The following CHODL variants were observed in gnomAD, a reference collection of about 807,000 sequenced individuals.
CHODL encodes the protein transmembrane protein MT75.
Under a neutral mutation model 34.5 loss-of-function variants are expected in CHODL, and 29 were observed. The ratio of observed to expected loss-of-function variants is 0.84; its 90% CI spans 0.63 to 1.15. CHODL has a LOEUF of 1.15. Ranked by LOEUF, CHODL falls within the 50% of genes most tolerant of loss-of-function variation. The pLI, the probability that CHODL is intolerant of heterozygous loss-of-function variation, is 0.00. For missense variants in CHODL, 332 were observed against 332.5 expected (o/e 1.00, Z 0.01); for synonymous variants, 125 against 116.1 (o/e 1.08, Z -0.49).
At chr21:18,150,794 T>A (rs1428703982) in intron 2 of CHODL, among the ~76,000 whole-genome samples, 7 of 152,070 alleles carry the variant, frequency 4.6e-5, no homozygotes, top group African/African-American at 1.7e-4. Context: ...CATAAAGAAA[T>A]TCTCTGACCT....
intron 1 of CHODL, among the ~76,000 whole-genome samples, chr21:18,250,959 ATAT>A (rs2074229043): frequency 1.3e-5 from 2 of 151,738 alleles, no homozygotes; most frequent in East Asian, 1.9e-4. Context: ...TATTCATCTA[ATAT>A]TAATAATATA....
intron 1 of CHODL, among the ~76,000 whole-genome samples, chr21:17,993,600 C>G (rs1285927196): frequency 6.6e-6 from 1 of 152,168 alleles, no homozygotes; most frequent in African/African-American, 2.4e-5. Context: ...ACCACATTTT[C>G]TTTATCCAGT....
chr21:18,195,799 C>T (rs1287495434), intron 2 of CHODL, among the ~76,000 whole-genome samples: 1 of 152,110 alleles, frequency 6.6e-6, no homozygotes, highest in Admixed American at 6.6e-5. Flanking sequence ...ACCACTGTAT[C>T]CCCAGCCAGT....
At chr21:17,945,453 T>C (rs1445156349) in intron 1 of CHODL, among the ~76,000 whole-genome samples, 1 of 151,982 alleles carries the variant, frequency 6.6e-6, no homozygotes, top group Non-Finnish European at 1.5e-5. Context: ...AAGAATACAA[T>C]GATTAAACAG....
chr21:17,924,879 C>G (rs912952784), intron 1 of CHODL, among the ~76,000 whole-genome samples: 1 of 152,178 alleles, frequency 6.6e-6, no homozygotes, highest in African/African-American at 2.4e-5. Context: ...TTGTCCTTAT[C>G]TGGCTCTGTT....
chr21:17,942,796 C>T (rs1005427501), intron 1 of CHODL, among the ~76,000 whole-genome samples: 2 of 152,016 alleles, frequency 1.3e-5, no homozygotes, highest in Non-Finnish European at 1.5e-5. Context: ...ATGTCCCCAC[C>T]CAAATCTCAT....
At chr21:17,939,829 A>C (rs1432181217) in intron 1 of CHODL, among the ~76,000 whole-genome samples, 1 of 152,188 alleles carries the variant, frequency 6.6e-6, no homozygotes, top group Non-Finnish European at 1.5e-5. Flanking sequence ...TTTTCTTCTG[A>C]AGTAGAATTC....
intron 1 of CHODL, among the ~76,000 whole-genome samples, chr21:18,253,015 T>C (rs1040295590): frequency 2.0e-5 from 3 of 152,212 alleles, no homozygotes; most frequent in African/African-American, 4.8e-5. Context: ...TAGGTTTTTT[T>C]CTTTCATTAT....
intron 4 of CHODL, among the ~76,000 whole-genome samples, chr21:18,261,360 T>TAAAAAAAA (rs60033114): frequency 2.9e-5 from 4 of 137,808 alleles, no homozygotes; most frequent in African/African-American, 7.8e-5. Context: ...TAAAGTATGA[T>TAAAAAAAA]AAAAAAAAAA....
intron 2 of CHODL, among the ~76,000 whole-genome samples, chr21:18,165,110 C>G (rs1184197175): frequency 1.3e-5 from 2 of 152,088 alleles, no homozygotes; most frequent in African/African-American, 4.8e-5. Flanking sequence ...TCTCTGACCT[C>G]TATTCACTAG....
chr21:17,946,348 G>GA (rs1568811098), intron 1 of CHODL, among the ~76,000 whole-genome samples: 1 of 152,114 alleles, frequency 6.6e-6, no homozygotes, highest in Non-Finnish European at 1.5e-5. Flanking sequence ...GAACCCCCGG[G>GA]GGCGGAGCCT....
intron 2 of CHODL, among the ~76,000 whole-genome samples, chr21:18,107,810 A>AT (rs1192701379): frequency 6.6e-6 from 1 of 152,178 alleles, no homozygotes; most frequent in Admixed American, 6.5e-5. Flanking sequence ...TAAAGGAAGA[A>AT]TTTTTTTAAA....
At chr21:18,156,598 A>C (rs1445468619) in intron 2 of CHODL, among the ~76,000 whole-genome samples, 1 of 152,210 alleles carries the variant, frequency 6.6e-6, no homozygotes, top group Non-Finnish European at 1.5e-5. Context: ...ATGAAGCTCA[A>C]TATTGCTTAT....
intron 2 of CHODL, among the ~76,000 whole-genome samples, chr21:18,156,520 A>G (rs1428294449): frequency 6.6e-6 from 1 of 152,252 alleles, no homozygotes; most frequent in East Asian, 1.9e-4. Context: ...GATCGTTCAT[A>G]TAACTGTCAA....
chr21:18,050,992 A>G (rs958324645), intron 2 of CHODL, among the ~76,000 whole-genome samples: 1 of 151,314 alleles, frequency 6.6e-6, no homozygotes, highest in East Asian at 2.0e-4. Flanking sequence ...GGTTTGTTAC[A>G]TAGGTATACA....
intron 2 of CHODL, among the ~76,000 whole-genome samples, chr21:18,183,107 A>G (rs1601116532): frequency 6.6e-6 from 1 of 152,366 alleles, no homozygotes; most frequent in South Asian, 2.1e-4. Context: ...ACACTTTAAA[A>G]ATGTATTTAG....
In CHODL at chr21:18,001,773, C is replaced by CTTT. The variant is rs59908803; in HGVS notation, c.-144-26078_-144-26076dup. Among the ~76,000 whole-genome samples the CTTT allele has an allele frequency of 1.9e-4, 24 of 124,176 alleles. No homozygotes were observed. In the East Asian group the frequency reaches 5.0e-3, roughly 26 times the overall value. The allele number at this position is 124,176 out of a possible 152,430, so 81.5% of individuals were successfully genotyped here. A position where few individuals can be genotyped will look rare whatever the true frequency, so the allele number is the denominator to read the frequency against. On this transcript the variant is annotated intron_variant, in intron 1 of 6. Coordinates refer to the CHODL transcript ENST00000400127. ...TCATGCCATACGTTGGCCTCATCCT[C>CTTT]TTTTTTTTTTTTTTTTTTTTTTTAA...
intron 2 of CHODL, among the ~76,000 whole-genome samples, chr21:18,138,891 A>G (rs1201343240): frequency 6.6e-6 from 1 of 152,152 alleles, no homozygotes; most frequent in Non-Finnish European, 1.5e-5. Context: ...ATAGGAGCTG[A>G]TGTTTCATTT....
intron 2 of CHODL, among the ~76,000 whole-genome samples, chr21:18,216,474 C>T (rs2073829385): frequency 1.3e-5 from 2 of 151,952 alleles, no homozygotes; most frequent in South Asian, 4.1e-4. Context: ...AACAATTCTA[C>T]TCTCTACTTC....
Sources: gnomAD v4.1 joint callset for allele counts (sites outside exome capture counted in the v4.1 genomes callset) on GRCh38, gnomAD v4.1.1 for gene constraint, MANE v1.5 for transcripts, NCBI Gene and HGNC (gene_info 2026-07-23, HGNC 2026-07-21) for gene names.